The following DNAJC5 variants were observed in gnomAD, a reference collection of about 807,000 sequenced individuals.
DNAJC5 encodes DnaJ heat shock protein family (Hsp40) member C5.
In DNAJC5, 1 loss-of-function variant was observed where a neutral mutation model predicts 23.2. That is an observed-to-expected ratio of 0.04 (90% CI 0.02 to 0.20). DNAJC5 has a LOEUF of 0.20. Among genes scored for constraint, DNAJC5 ranks in the 10% least tolerant of loss-of-function variants. The pLI is 1.00. For synonymous variants in DNAJC5, 136 were observed against 120.0 expected (o/e 1.13, Z -0.87); for missense variants, 180 against 267.0 (o/e 0.67, Z 2.27).
rs115975174 is a variant in DNAJC5, at chr20:63,899,958, C to T, written c.-12+4635C>T. On this transcript the variant is annotated intron_variant, in intron 1 of 4. Coordinates refer to ENST00000360864, the MANE Select transcript of DNAJC5 (RefSeq NM_025219.3). ...GGCTTGAGTACAACGGTACGGTTTC[C>T]GCTCATGGCAACCTCTGCCTCCTAG... Among the ~76,000 whole-genome samples the T allele has an allele frequency of 5.3e-3, 780 of 145,984 alleles. 9 individuals carry two copies. Among genetic ancestry groups the T allele is most frequent in the African/African-American group, 0.018 (698 of 39,170 alleles).
intron 1 of DNAJC5, among the ~76,000 whole-genome samples, chr20:63,896,098 T>G (rs1415301310): frequency 6.6e-6 from 1 of 152,194 alleles, no homozygotes; most frequent in Non-Finnish European, 1.5e-5. Flanking sequence ...TGGGAAGATT[T>G]GATGGTGGTT....
chr20:63,895,605 G>T (rs2053369379), intron 1 of DNAJC5, among the ~76,000 whole-genome samples: 1 of 151,516 alleles, frequency 6.6e-6, no homozygotes, highest in South Asian at 2.1e-4. Context: ...GCTCTCCGCG[G>T]GTCTCTTCGG....
intron 1 of DNAJC5, among the ~76,000 whole-genome samples, chr20:63,912,604 T>C (rs2053489207): frequency 2.6e-5 from 4 of 152,136 alleles, no homozygotes; most frequent in Admixed American, 2.6e-4. Flanking sequence ...GTCAGGTTTT[T>C]GTTTGTTTGT....
At chr20:63,909,553 G>A (rs1022854901) in intron 1 of DNAJC5, among the ~76,000 whole-genome samples, 1 of 150,252 alleles carries the variant, frequency 6.7e-6, no homozygotes, top group Non-Finnish European at 1.5e-5. Flanking sequence ...GCAGTGATGC[G>A]TGCCGTAGTC....
At chr20:63,901,649 AGT>A (rs1328748246) in intron 1 of DNAJC5, among the ~76,000 whole-genome samples, 1 of 152,112 alleles carries the variant, frequency 6.6e-6, no homozygotes, top group African/African-American at 2.4e-5. Flanking sequence ...CAGCAGAGGG[AGT>A]GTGTGGAGTG....
chr20:63,931,596 G>C lies in DNAJC5; in HGVS notation c.*28G>C, dbSNP rs1430424365. The C allele has an allele frequency of 3.9e-6, 6 of 1,537,388 alleles. No homozygotes were observed. The highest frequency in any genetic ancestry group is 2.0e-5 in the Admixed American group (1 of 51,170). ...CCAGGAGGAGCTGTGGTCAGAGGAG[G>C]AGCCGGCGCCTGGCCACGCCAACCT... On this transcript the variant is annotated 3_prime_UTR_variant, in exon 5 of 5. Transcript: ENST00000360864. The surrounding 1 kb of genome is among the most constrained non-coding windows in gnomAD (Gnocchi z 9.6).
At chr20:63,926,358 TGTTGAA>T (rs1173377771) in intron 1 of DNAJC5, among the ~76,000 whole-genome samples, 1 of 152,258 alleles carries the variant, frequency 6.6e-6, no homozygotes, top group Non-Finnish European at 1.5e-5. Context: ...CTTTTGGCTT[TGTTGAA>T]GTTATCTGTT....
chr20:63,931,203 T>A lies in DNAJC5; in HGVS notation c.493+181T>A. On this transcript the variant is annotated intron_variant, in intron 4 of 4. Transcript: ENST00000360864. This position sits in a 1 kb window ranked among gnomAD's most constrained non-coding sequence, Gnocchi z 9.6. Reference sequence around the variant, plus strand: ...CTGAGGTAAAGCAGGCGCATAGAGCTGTCCCCGCCGTGACCTGCGGTAGCC... The same window carrying A: ...CTGAGGTAAAGCAGGCGCATAGAGCAGTCCCCGCCGTGACCTGCGGTAGCC... The A allele has an allele frequency of 1.3e-6, 1 of 786,964 alleles. No homozygotes were observed. The highest frequency in any genetic ancestry group is 2.1e-6 in the Non-Finnish European group (1 of 476,994). 48.7% of individuals were successfully genotyped at this position (786,964 alleles called of 1,614,324 possible). A position where few individuals can be genotyped will look rare whatever the true frequency, so the allele number is the denominator to read the frequency against.
At chr20:63,896,073 C>T (rs1466931527) in intron 1 of DNAJC5, among the ~76,000 whole-genome samples, 2 of 152,022 alleles carry the variant, frequency 1.3e-5, no homozygotes, top group Admixed American at 6.6e-5. Context: ...TTTTGTTTTC[C>T]GGCTTAGGCT....
At chr20:63,903,381 C>G (rs1035667438) in intron 1 of DNAJC5, among the ~76,000 whole-genome samples, 1 of 152,172 alleles carries the variant, frequency 6.6e-6, no homozygotes, top group Non-Finnish European at 1.5e-5. Flanking sequence ...GATCTTGGCA[C>G]ACTGCAACCT....
intron 1 of DNAJC5, among the ~76,000 whole-genome samples, chr20:63,921,778 C>G (rs995141088): frequency 1.3e-5 from 2 of 151,920 alleles, no homozygotes; most frequent in Non-Finnish European, 2.9e-5. Context: ...ATGGGATCCC[C>G]TTGAAAGTTT....
intron 1 of DNAJC5, chr20:63,909,079 A>G (rs1346897846): frequency 6.6e-6 from 1 of 152,180 alleles, no homozygotes; most frequent in Non-Finnish European, 1.5e-5. Context: ...TTGACTGCGT[A>G]ATTTGTGGTA....
chr20:63,900,971 CTTTG>C (rs149190286), intron 1 of DNAJC5, among the ~76,000 whole-genome samples: 1,799 of 152,214 alleles, frequency 0.012, 30 homozygotes, highest in African/African-American at 0.041. Flanking sequence ...TCCAGGGATT[CTTTG>C]TTTGTTTGAG....
intron 1 of DNAJC5, among the ~76,000 whole-genome samples, chr20:63,921,889 C>T (rs1248281320): frequency 1.3e-5 from 2 of 152,026 alleles, no homozygotes; most frequent in African/African-American, 4.8e-5. Flanking sequence ...AGCCATCCTC[C>T]TGCCTCAGCC....
chr20:63,920,875 C>T lies in DNAJC5; in HGVS notation c.-11-7460C>T, dbSNP rs930062303. ...TATTTTTAGTAGAGACAGGTTTTCT[C>T]CATGTTGGTCAGGCTGGTCTCGAAC... On this transcript the variant is annotated intron_variant, in intron 1 of 4. Transcript: ENST00000360864. This position sits in a 1 kb window ranked among gnomAD's most constrained non-coding sequence, Gnocchi z 4.6. Among the ~76,000 whole-genome samples the T allele has an allele frequency of 6.6e-6, 1 of 152,018 alleles. No homozygotes were observed. The highest frequency in any genetic ancestry group is 2.4e-5 in the African/African-American group (1 of 41,370).
intron 1 of DNAJC5, among the ~76,000 whole-genome samples, chr20:63,913,742 A>G (rs6062579): frequency 0.45 from 67,599 of 151,594 alleles, 17,488 homozygotes; most frequent in East Asian, 0.94. Flanking sequence ...GACCACGCCC[A>G]GCTAATTTTG....
rs185583381 is a variant in DNAJC5 at position 63,932,259 on chromosome 20, T to G, written c.*691T>G. On this transcript the variant is annotated 3_prime_UTR_variant, in exon 5 of 5. Transcript: ENST00000360864. The surrounding 1 kb of genome is among the most constrained non-coding windows in gnomAD (Gnocchi z 4.4). ...AAAGCATAGGAGGCCCCTTCCGAGG[T>G]TGACACCGTGTCCTCCGCGGTGTTT... 1 of 154,672 alleles carries G rather than the reference T, an allele frequency of 6.5e-6. No homozygotes were observed. Among genetic ancestry groups the G allele is most frequent in the African/African-American group, 2.4e-5 (1 of 41,446 alleles). The allele number at this position is 154,672 out of a possible 1,614,324, so 9.6% of individuals were successfully genotyped here.
rs1388875746 is a variant in DNAJC5, at chr20:63,935,937, C to G, written c.*4369C>G. On this transcript the variant is annotated 3_prime_UTR_variant, in exon 5 of 5. Transcript: ENST00000360864. Reference sequence around the variant, plus strand: ...CGAGCACACACATCTAAGGGCCAGGCTGGTTCCGCATGGTGATCTCCGTCT... The same window carrying G: ...CGAGCACACACATCTAAGGGCCAGGGTGGTTCCGCATGGTGATCTCCGTCT... 10 of 152,198 alleles carry G rather than the reference C, an allele frequency of 6.6e-5. No homozygotes were observed. The highest frequency in any genetic ancestry group is 4.6e-4 in the Admixed American group (7 of 15,276). The allele number at this position is 152,198 out of a possible 1,614,324, so 9.4% of individuals were successfully genotyped here. A position where few individuals can be genotyped will look rare whatever the true frequency, so the allele number is the denominator to read the frequency against.
intron 3 of DNAJC5, 99 bp from the exon 4 acceptor site, chr20:63,930,752 A>G: frequency 1.3e-6 from 2 of 1,583,986 alleles, no homozygotes; most frequent in Middle Eastern, 4.5e-4. Context: ...CCCCACCTGG[A>G]ACGCACCCCC....
Sources: gnomAD v4.1 joint callset for allele counts (sites outside exome capture counted in the v4.1 genomes callset) on GRCh38, gnomAD v4.1.1 for gene constraint, Gnocchi (gnomAD v3.1) non-coding constraint, MANE v1.5 for transcripts, NCBI Gene and HGNC (gene_info 2026-07-23, HGNC 2026-07-21) for gene names.